TENM2: variants seen among roughly 807,000 people sequenced by gnomAD.
TENM2 encodes teneurin transmembrane protein 2.
Under a neutral mutation model 245.2 loss-of-function variants are expected in TENM2, and 52 were observed. The ratio of observed to expected loss-of-function variants is 0.21; its 90% CI spans 0.17 to 0.27. TENM2 has a LOEUF of 0.27. Ranked by LOEUF, TENM2 falls within the 10% of genes least tolerant of loss-of-function variation. The pLI is 1.00. For missense variants in TENM2, 3,046 were observed against 3,666.8 expected (o/e 0.83, Z 4.37); for synonymous variants, 1,363 against 1,438.9 (o/e 0.95, Z 1.19).
intron 2 of TENM2, among the ~76,000 whole-genome samples, chr5:167,378,969 G>C (rs565870035): frequency 4.0e-4 from 61 of 151,508 alleles, no homozygotes; most frequent in South Asian, 6.2e-4. Context: ...AAATAAAGTT[G>C]GTATGAAATA....
chr5:168,172,859 G>C (rs779892557), intron 13 of TENM2, among the ~76,000 whole-genome samples: 1 of 152,178 alleles, frequency 6.6e-6, no homozygotes, highest in South Asian at 2.1e-4. Context: ...CCCAAGGCCT[G>C]TGCTCTTTTC....
At chr5:168,260,300 G>A in exon 28 of TENM2, 1 of 1,613,972 alleles carries the variant, frequency 6.2e-7, no homozygotes, top group South Asian at 1.1e-5. Flanking sequence ...AAGCTGGCTT[G>A]TGATGTTTGG....
chr5:167,219,983 T>C, the TENM2 span, among the ~76,000 whole-genome samples: 1 of 152,246 alleles, frequency 6.6e-6, no homozygotes, highest in Admixed American at 6.5e-5. Context: ...GTAGATAAAC[T>C]TGATTGTGCA....
At chr5:167,573,527 T>TCC (rs35575400) in intron 2 of TENM2, among the ~76,000 whole-genome samples, 15 of 77,172 alleles carry the variant, frequency 1.9e-4, no homozygotes, top group South Asian at 1.4e-3. Context: ...TCTCCCCCTC[T>TCC]CCCCCTCTCT....
intron 2 of TENM2, among the ~76,000 whole-genome samples, chr5:167,620,406 G>A (rs1444192160): frequency 1.3e-5 from 2 of 152,008 alleles, no homozygotes. Flanking sequence ...AAAAATAAGT[G>A]CATGACTCTT....
chr5:168,126,387 G>A (rs867124823), intron 11 of TENM2, among the ~76,000 whole-genome samples: 5 of 152,158 alleles, frequency 3.3e-5, no homozygotes, highest in African/African-American at 1.2e-4. Flanking sequence ...CTCTAGAAGA[G>A]TGGTTCTCAC....
At chr5:167,844,637 C>T (rs1769860773) in intron 2 of TENM2, among the ~76,000 whole-genome samples, 1 of 152,114 alleles carries the variant, frequency 6.6e-6, no homozygotes. Context: ...TATAAGATGG[C>T]ATTTTCAACT....
chr5:167,537,464 C>T (rs1380296143), intron 2 of TENM2, among the ~76,000 whole-genome samples: 2 of 152,158 alleles, frequency 1.3e-5, no homozygotes, highest in African/African-American at 4.8e-5. Flanking sequence ...ATTGTGTAAA[C>T]TCTTATCACT....
the TENM2 span, among the ~76,000 whole-genome samples, chr5:167,276,351 T>TG: frequency 0.17 from 5,899 of 35,196 alleles, 259 homozygotes; most frequent in African/African-American, 0.26. Flanking sequence ...GCCTGTTCAT[T>TG]TTGTGTGTGT....
chr5:167,421,539 T>C (rs144779752), intron 2 of TENM2, among the ~76,000 whole-genome samples: 48 of 152,210 alleles, frequency 3.2e-4, no homozygotes, highest in African/African-American at 1.1e-3. Context: ...CCAGTGAATA[T>C]GTGGAGATAC....
the TENM2 span, among the ~76,000 whole-genome samples, chr5:167,229,458 A>G: frequency 6.6e-6 from 1 of 152,204 alleles, no homozygotes; most frequent in Non-Finnish European, 1.5e-5. Flanking sequence ...GCTGGAAATA[A>G]CAGTGGTATG....
intron 5 of TENM2, among the ~76,000 whole-genome samples, chr5:168,000,225 T>A (rs1168132498): frequency 6.6e-6 from 1 of 152,246 alleles, no homozygotes; most frequent in Non-Finnish European, 1.5e-5. Context: ...ACATCTTTCG[T>A]TGGTTCATTG....
chr5:167,283,338 A>G (rs965216580), upstream of TENM2, among the ~76,000 whole-genome samples: 2 of 151,928 alleles, frequency 1.3e-5, no homozygotes, highest in Non-Finnish European at 2.9e-5. Flanking sequence ...CGCCCAGCCA[A>G]TCGTACCCTC....
intron 2 of TENM2, among the ~76,000 whole-genome samples, chr5:167,399,050 T>C (rs1307361716): frequency 1.3e-5 from 2 of 152,164 alleles, no homozygotes; most frequent in African/African-American, 2.4e-5. Flanking sequence ...TTAAAGGCGA[T>C]GGGGATTAGA....
chr5:167,377,979 G>A (rs558970510), intron 2 of TENM2, among the ~76,000 whole-genome samples: 3 of 151,962 alleles, frequency 2.0e-5, no homozygotes, highest in Non-Finnish European at 4.4e-5. Context: ...TGAGAAAGAA[G>A]CTCTCCAATT....
intron 3 of TENM2, chr5:167,934,886 G>A (rs913317255): frequency 1.0e-5 from 10 of 985,434 alleles, no homozygotes; most frequent in African/African-American, 3.5e-5. Context: ...TCGGCAGGAC[G>A]GGTGTGCAGG....
chr5:167,009,013 T>A, the TENM2 span, among the ~76,000 whole-genome samples: 1 of 151,854 alleles, frequency 6.6e-6, no homozygotes, highest in Non-Finnish European at 1.5e-5. Flanking sequence ...GCTGTCCAAG[T>A]GTGTGGTTGT....
At chr5:167,881,939 C>T (rs1773913559) in intron 3 of TENM2, among the ~76,000 whole-genome samples, 1 of 152,162 alleles carries the variant, frequency 6.6e-6, no homozygotes, top group East Asian at 1.9e-4. Context: ...CCTCCCAATG[C>T]ATGAAGGATT....
Position 167,905,491 on chromosome 5 carries a change from C to T in TENM2, c.712+29296C>T, listed in dbSNP as rs1239576122. Among the ~76,000 whole-genome samples the T allele has an allele frequency of 3.3e-5, 5 of 152,262 alleles. No homozygotes were observed. The East Asian group carries it at 9.7e-4, about 29-fold the overall frequency. On this transcript the variant is annotated intron_variant, in intron 3 of 28. Coordinates refer to ENST00000518659, the Ensembl canonical transcript of TENM2. ...TAAGGCTGAGATTTTTCAATGAGAG[C>T]ATCTGGCTTAAAAACTCCACAGGAG...
Sources: gnomAD v4.1 joint callset for allele counts (sites outside exome capture counted in the v4.1 genomes callset) on GRCh38, gnomAD v4.1.1 for gene constraint, MANE v1.5 for transcripts, NCBI Gene and HGNC (gene_info 2026-07-23, HGNC 2026-07-21) for gene names.